Variants in DCLK1 observed in about 807,000 individuals in gnomAD.
The protein encoded by DCLK1 is doublecortin like kinase 1.
DCLK1 carries 16 observed loss-of-function variants against 86.2 expected under a neutral mutation model. The observed-to-expected ratio is 0.19, with a 90% CI of 0.13 to 0.28. DCLK1 has a LOEUF of 0.28. DCLK1 is among the 10% of genes least tolerant of loss of function. The probability of loss-of-function intolerance (pLI) is 1.00; values close to 1 mark genes in which losing one functional copy is unlikely to be tolerated. For synonymous variants in DCLK1, 369 were observed against 370.5 expected (o/e 1.00, Z 0.05); for missense variants, 590 against 940.2 (o/e 0.63, Z 4.87).
At chr13:36,120,575 T>C (rs2138208352) in intron 2 of DCLK1, among the ~76,000 whole-genome samples, 1 of 152,252 alleles carries the variant, frequency 6.6e-6, no homozygotes, top group African/African-American at 2.4e-5. Context: ...AACACATTTC[T>C]CAGAACATAT....
chr13:36,082,098 G>T (rs575182676), intron 3 of DCLK1, among the ~76,000 whole-genome samples: 1 of 152,250 alleles, frequency 6.6e-6, no homozygotes, highest in Admixed American at 6.5e-5. Context: ...CTTATACGCA[G>T]ATTTTTTTCA....
chr13:36,031,138 C>A (rs148340430), intron 3 of DCLK1, among the ~76,000 whole-genome samples: 207 of 152,278 alleles, frequency 1.4e-3, no homozygotes, highest in African/African-American at 4.8e-3. Flanking sequence ...CCCATTTCCT[C>A]AAAAACCCGA....
In DCLK1 at chr13:36,105,328, A is replaced by C. The variant is rs375745723; in HGVS notation, c.723+6541T>G. On this transcript the variant is annotated intron_variant, in intron 3 of 16. Coordinates refer to ENST00000360631, the MANE Select transcript of DCLK1 (RefSeq NM_001330071.2). The stretch of plus-strand genomic sequence containing the variant: ...TAAAATATGATTTTTTTCCAAAAAA[A>C]ATTTGTTAAGTGTCAGCTTTTCCAT... Among the ~76,000 whole-genome samples, 37 of 152,340 alleles carry C rather than the reference A, an allele frequency of 2.4e-4. No homozygotes were observed. In the South Asian group the frequency reaches 6.8e-3, roughly 28 times the overall value.
intron 2 of DCLK1, 85 bp downstream of exon 2, chr13:36,125,677 G>A (rs977047767): frequency 2.0e-5 from 30 of 1,515,378 alleles, no homozygotes; most frequent in Non-Finnish European, 2.4e-5. Flanking sequence ...TCAACTGTCA[G>A]AGGGCAAATG....
intron 4 of DCLK1, among the ~76,000 whole-genome samples, chr13:35,928,127 G>C (rs1876229536): frequency 6.6e-6 from 1 of 152,216 alleles, no homozygotes; most frequent in African/African-American, 2.4e-5. Context: ...GAATTCGAGG[G>C]AGCTGTGGGA....
intron 5 of DCLK1, among the ~76,000 whole-genome samples, chr13:35,867,869 A>G (rs866117039): frequency 5.5e-5 from 7 of 126,762 alleles, no homozygotes; most frequent in African/African-American, 8.7e-5. Flanking sequence ...GAAAGAAAGA[A>G]AGAGAGAGGG....
chr13:35,874,120 T>A (rs1417670653), intron 4 of DCLK1, among the ~76,000 whole-genome samples: 1 of 152,176 alleles, frequency 6.6e-6, no homozygotes, highest in Non-Finnish European at 1.5e-5. Context: ...AAAGAACTCA[T>A]AATCATTCCA....
At chr13:36,023,713 C>G (rs1400111474) in intron 3 of DCLK1, among the ~76,000 whole-genome samples, 2 of 152,050 alleles carry the variant, frequency 1.3e-5, no homozygotes, top group African/African-American at 4.8e-5. Context: ...CTGAGAAACT[C>G]TAACACCTTT....
intron 3 of DCLK1, among the ~76,000 whole-genome samples, chr13:36,073,868 A>G (rs1206698969): frequency 6.6e-6 from 1 of 152,220 alleles, no homozygotes; most frequent in Non-Finnish European, 1.5e-5. Context: ...TCCGCACCTG[A>G]ATTACTATGC....
At chr13:35,849,809 C>T (rs922743439) in intron 6 of DCLK1, 114 of 984,368 alleles carry the variant, frequency 1.2e-4, no homozygotes, top group Non-Finnish European at 1.3e-4. Context: ...GTGAATTTTG[C>T]TTTTCAAATG....
At chr13:36,066,260 C>G (rs894107159) in intron 3 of DCLK1, among the ~76,000 whole-genome samples, 2 of 152,098 alleles carry the variant, frequency 1.3e-5, no homozygotes, top group Non-Finnish European at 2.9e-5. Context: ...TAGAAATCAA[C>G]CCAGGGCTTC....
At chr13:35,942,681 A>G (rs948043459) in intron 4 of DCLK1, among the ~76,000 whole-genome samples, 1 of 152,216 alleles carries the variant, frequency 6.6e-6, no homozygotes. Context: ...AGATAAATCA[A>G]TTAAAAATAC....
chr13:35,843,129 T>A (rs1237439789), intron 6 of DCLK1, among the ~76,000 whole-genome samples: 1 of 152,238 alleles, frequency 6.6e-6, no homozygotes, highest in African/African-American at 2.4e-5. Flanking sequence ...ATTTACCTTT[T>A]TGGTTTTTCT....
intron 4 of DCLK1, among the ~76,000 whole-genome samples, chr13:35,900,063 T>C (rs1255867464): frequency 2.0e-5 from 3 of 152,118 alleles, no homozygotes; most frequent in African/African-American, 7.2e-5. Flanking sequence ...TAGAAGAATA[T>C]GTTACAGGAA....
chr13:36,029,322 GAC>G (rs1391643585), intron 3 of DCLK1, among the ~76,000 whole-genome samples: 1 of 152,172 alleles, frequency 6.6e-6, no homozygotes, highest in Non-Finnish European at 1.5e-5. Context: ...GACATGACAT[GAC>G]ACATGTGTTT....
At chr13:35,800,438 G>A (rs1453409469) in intron 15 of DCLK1, among the ~76,000 whole-genome samples, 2 of 152,172 alleles carry the variant, frequency 1.3e-5, no homozygotes, top group East Asian at 1.9e-4. Context: ...TCTTCCAGAC[G>A]TGGCTGCTTA....
intron 6 of DCLK1, among the ~76,000 whole-genome samples, chr13:35,853,126 T>C (rs1870777566): frequency 1.3e-5 from 2 of 152,186 alleles, no homozygotes; most frequent in South Asian, 4.1e-4. Flanking sequence ...GTAAATAAAT[T>C]TGGCCAATTC....
chr13:35,900,701 C>T (rs1874301136), intron 4 of DCLK1, among the ~76,000 whole-genome samples: 1 of 152,174 alleles, frequency 6.6e-6, no homozygotes, highest in South Asian at 2.1e-4. Flanking sequence ...TTTTCCCCGG[C>T]TTCCCTGGCC....
chr13:36,049,957 T>C (rs1253513679), intron 3 of DCLK1, among the ~76,000 whole-genome samples: 1 of 152,164 alleles, frequency 6.6e-6, no homozygotes, highest in Non-Finnish European at 1.5e-5. Context: ...TGATTTGTAA[T>C]GACTGCTGAT....
Sources: allele counts gnomAD v4.1 joint callset (sites outside exome capture counted in the v4.1 genomes callset), GRCh38; gene constraint gnomAD v4.1.1; transcripts MANE v1.5; gene names NCBI Gene and HGNC (gene_info 2026-07-23, HGNC 2026-07-21).